LPP: variants seen among roughly 807,000 people sequenced by gnomAD.
The protein encoded by LPP is lipoma-preferred partner.
In LPP, 38 loss-of-function variants were observed where a neutral mutation model predicts 60.4. The ratio of observed to expected loss-of-function variants is 0.63; its 90% confidence interval spans 0.49 to 0.83. The LOEUF is 0.83. Among genes scored for constraint, LPP ranks in the 40% least tolerant of loss-of-function variants. The pLI is 0.00. For missense variants in LPP, 902 were observed against 783.6 expected (o/e 1.15, Z -1.80); for synonymous variants, 328 against 290.8 (o/e 1.13, Z -1.30).
chr3:188,396,785 A>G (rs1781053966), intron 3 of LPP, among the ~76,000 whole-genome samples: 1 of 152,262 alleles, frequency 6.6e-6, no homozygotes, highest in South Asian at 2.1e-4. Context: ...AGCAGTCTAT[A>G]AGAATCAAGG....
chr3:188,613,900 T>G (rs1209362405), intron 7 of LPP, among the ~76,000 whole-genome samples: 2 of 143,730 alleles, frequency 1.4e-5, no homozygotes, highest in African/African-American at 5.2e-5. Flanking sequence ...ATATTTAAAT[T>G]AATTTTATTT....
At chr3:188,252,189 ATATATATATATATATATG>A (rs1730041222) in intron 2 of LPP, among the ~76,000 whole-genome samples, 1 of 118,144 alleles carries the variant, frequency 8.5e-6, no homozygotes, top group Non-Finnish European at 1.6e-5. Flanking sequence ...ATATATATAT[ATATATATATATATATATG>A]TTTTTATATT....
intron 1 of LPP, among the ~76,000 whole-genome samples, chr3:188,220,653 C>G (rs1459781523): frequency 6.6e-6 from 1 of 152,172 alleles, no homozygotes; most frequent in African/African-American, 2.4e-5. Context: ...CTGGATGGAG[C>G]CTGTCTCCAG....
At chr3:188,194,992 C>T (rs1729130266) in intron 1 of LPP, among the ~76,000 whole-genome samples, 1 of 152,172 alleles carries the variant, frequency 6.6e-6, no homozygotes, top group African/African-American at 2.4e-5. Context: ...GACGCGGTGG[C>T]TCACGCCTGT....
At chr3:188,408,748 C>A (rs715199) in intron 4 of LPP, among the ~76,000 whole-genome samples, 63,582 of 148,622 alleles carry the variant, frequency 0.43, 14,227 homozygotes, top group East Asian at 0.63. Context: ...TGTAACCCTA[C>A]AAAATGTTTT....
At chr3:188,653,198 C>T (rs1257158448) in intron 7 of LPP, among the ~76,000 whole-genome samples, 2 of 152,206 alleles carry the variant, frequency 1.3e-5, no homozygotes, top group African/African-American at 2.4e-5. Context: ...GTTATAAGCT[C>T]TGGATGTTGA....
At chr3:188,600,853 CAAGCTTA>C (rs901866927) in intron 6 of LPP, among the ~76,000 whole-genome samples, 1 of 151,770 alleles carries the variant, frequency 6.6e-6, no homozygotes, top group African/African-American at 2.4e-5. Flanking sequence ...CTTCAAGCTT[CAAGCTTA>C]ATCTCTTCAA....
At chr3:188,172,267 C>G (rs1721800384) in intron 1 of LPP, among the ~76,000 whole-genome samples, 1 of 152,158 alleles carries the variant, frequency 6.6e-6, no homozygotes, top group African/African-American at 2.4e-5. Context: ...GCTTAAGGGC[C>G]AGAGCTCTGG....
Position 188,760,175 on chromosome 3 carries a change from C to A in LPP, c.1303C>A (p.Gln435Lys). ...GEGTGCTAMD[Q>K]VFHVDCFTCI... ...AGGTACAGGATGCACTGCCATGGAT[C>A]AGGTCTTCCACGTGGATTGTTTTAC... Residue 435 changes from glutamine to lysine, a missense_variant, in exon 9 of 12, where the codon CAG (glutamine) becomes AAG (lysine). By Grantham distance (53) the Gln-to-Lys change is moderately conservative (BLOSUM62 1). Coordinates refer to ENST00000617246, the MANE Select transcript of LPP (RefSeq NM_001375462.1). 6.2e-7 allele frequency: 1 copy of A among 1,614,054 alleles called. No homozygotes were observed. Among genetic ancestry groups the A allele is most frequent in the Non-Finnish European group, 8.5e-7 (1 of 1,179,970 alleles).
chr3:188,300,200 T>C (rs1749313727), intron 2 of LPP, among the ~76,000 whole-genome samples: 1 of 152,178 alleles, frequency 6.6e-6, no homozygotes, highest in Non-Finnish European at 1.5e-5. Flanking sequence ...TTGTGTGTGT[T>C]TATTTTTTTT....
intron 7 of LPP, among the ~76,000 whole-genome samples, chr3:188,631,013 A>G (rs2148512888): frequency 6.6e-6 from 1 of 152,158 alleles, no homozygotes; most frequent in Non-Finnish European, 1.5e-5. Flanking sequence ...AGACACTAGG[A>G]CATACTTGGT....
intron 8 of LPP, among the ~76,000 whole-genome samples, chr3:188,753,477 A>G (rs1251681713): frequency 6.6e-6 from 1 of 151,424 alleles, no homozygotes; most frequent in East Asian, 1.9e-4. Flanking sequence ...CCAGGAGATC[A>G]CTCAGCCTTC....
chr3:188,209,038 G>C (rs186131725), intron 1 of LPP, among the ~76,000 whole-genome samples: 1 of 152,088 alleles, frequency 6.6e-6, no homozygotes, highest in Non-Finnish European at 1.5e-5. Context: ...TAAGCAGAGC[G>C]CCTATTTTAA....
At chr3:188,655,210 G>C (rs964967217) in intron 7 of LPP, among the ~76,000 whole-genome samples, 3 of 152,102 alleles carry the variant, frequency 2.0e-5, no homozygotes, top group Non-Finnish European at 2.9e-5. Context: ...CTTGAACATT[G>C]ATATGCATGT....
At chr3:188,457,722 C>T (rs1798040145) in intron 4 of LPP, among the ~76,000 whole-genome samples, 1 of 85,074 alleles carries the variant, frequency 1.2e-5, no homozygotes, top group African/African-American at 4.4e-5. Flanking sequence ...GAAACACTGT[C>T]TCTACTAAAA....
At position 188,880,912 on chromosome 3, in the gene LPP, C is replaced by A. The variant is rs1455525432; in HGVS notation, c.*6433C>A. 1 of 167,722 alleles carries A rather than the reference C, an allele frequency of 6.0e-6. No homozygotes were observed. The highest frequency in any genetic ancestry group is 1.3e-5 in the Non-Finnish European group (1 of 77,326). 10.4% of individuals were successfully genotyped at this position (167,722 alleles called of 1,614,324 possible). On this transcript the variant is annotated 3_prime_UTR_variant, in exon 12 of 12. Coordinates refer to ENST00000617246, the MANE Select transcript of LPP (RefSeq NM_001375462.1). ...TTGGGAGGCCAAGGCGGGCCGATCA[C>A]GAGGTCAGGAGATCGAGACCATCCT...
At chr3:188,494,422 G>C (rs1044839558) in intron 5 of LPP, among the ~76,000 whole-genome samples, 2 of 152,202 alleles carry the variant, frequency 1.3e-5, no homozygotes, top group African/African-American at 4.8e-5. Flanking sequence ...CACCAGCGGT[G>C]CTGGGAATTG....
At chr3:188,250,776 TTCTTTCTTTCTGTCTTTC>T (rs1240044216) in intron 2 of LPP, among the ~76,000 whole-genome samples, 3,532 of 121,832 alleles carry the variant, frequency 0.029, 209 homozygotes, top group African/African-American at 0.11. Flanking sequence ...CTTTCTTTCT[TTCTTTCTTTCTGTCTTTC>T]TCTTTCTTTC....
intron 3 of LPP, among the ~76,000 whole-genome samples, chr3:188,356,949 T>G (rs950211844): frequency 3.3e-5 from 5 of 152,286 alleles, no homozygotes; most frequent in African/African-American, 9.6e-5. Flanking sequence ...TTTCAACCAT[T>G]CTGGGGAGGT....
Sources: gnomAD v4.1 joint callset for allele counts (sites outside exome capture counted in the v4.1 genomes callset) on GRCh38, gnomAD v4.1.1 for gene constraint, MANE v1.5 for transcripts, NCBI Gene and HGNC (gene_info 2026-07-23, HGNC 2026-07-21) for gene names.